ZDHHC14: variants seen among roughly 807,000 people sequenced by gnomAD.
ZDHHC14 encodes palmitoyltransferase ZDHHC14.
ZDHHC14 carries 16 observed loss-of-function variants against 47.7 expected under a neutral mutation model. The observed-to-expected ratio is 0.34, with a 90% CI of 0.23 to 0.51. ZDHHC14 has a LOEUF of 0.51. Among genes scored for constraint, ZDHHC14 ranks in the 20% least tolerant of loss-of-function variants. The pLI, the probability that ZDHHC14 is intolerant of heterozygous loss-of-function variation, is 0.97. For synonymous variants in ZDHHC14, 293 were observed against 278.9 expected (o/e 1.05, Z -0.50); for missense variants, 515 against 662.5 (o/e 0.78, Z 2.44).
chr6:157,606,493 G>A (rs1398206627), intron 3 of ZDHHC14, among the ~76,000 whole-genome samples: 2 of 152,170 alleles, frequency 1.3e-5, no homozygotes, highest in Non-Finnish European at 2.9e-5. Context: ...AAAAATCTGA[G>A]GAGAGAGTTT....
chr6:157,442,906 A>G lies in ZDHHC14; in HGVS notation c.245+60640A>G, dbSNP rs566282859. On this transcript the variant is annotated intron_variant, in intron 1 of 8. Transcript: ENST00000359775. ...TTTCCAGAGCTTGATCTGGAACATC[A>G]CTGGGCAGACTGAGGTAGTCATTTC... Among the ~76,000 whole-genome samples, 50 of 152,274 alleles carry G rather than the reference A, an allele frequency of 3.3e-4. 1 individual carries two copies. In the South Asian group the frequency reaches 0.01, roughly 32 times the overall value.
At chr6:157,399,643 A>C (rs143152216) in intron 1 of ZDHHC14, among the ~76,000 whole-genome samples, 15 of 152,234 alleles carry the variant, frequency 9.9e-5, no homozygotes, top group African/African-American at 3.6e-4. Flanking sequence ...ACTTCCCACC[A>C]CTGGAGCGGC....
chr6:157,492,904 C>T (rs921964625), intron 1 of ZDHHC14, among the ~76,000 whole-genome samples: 2 of 151,854 alleles, frequency 1.3e-5, no homozygotes, highest in African/African-American at 4.8e-5. Context: ...GTTCTTGGAA[C>T]AGCAAGAAAG....
At chr6:157,639,261 T>C (rs1478834318) in intron 5 of ZDHHC14, among the ~76,000 whole-genome samples, 2 of 152,180 alleles carry the variant, frequency 1.3e-5, no homozygotes, top group Non-Finnish European at 2.9e-5. Flanking sequence ...GTAAATGACA[T>C]CATCAGTGCT....
intron 1 of ZDHHC14, among the ~76,000 whole-genome samples, chr6:157,539,369 ACTCCAGCC>A (rs1781662648): frequency 6.6e-6 from 1 of 151,974 alleles, no homozygotes; most frequent in African/African-American, 2.4e-5. Context: ...ATACCACTGC[ACTCCAGCC>A]TGGGCAGCAG....
chr6:157,653,769 A>C, intron 8 of ZDHHC14, 142 bp downstream of exon 8: 1 of 711,754 alleles, frequency 1.4e-6, no homozygotes, highest in Non-Finnish European at 2.3e-6. Context: ...TACTGCGCTC[A>C]GACAGGAGGC....
At chr6:157,651,067 T>A (rs899289574) in intron 7 of ZDHHC14, among the ~76,000 whole-genome samples, 1 of 152,228 alleles carries the variant, frequency 6.6e-6, no homozygotes, top group Non-Finnish European at 1.5e-5. Context: ...GGGCTCCCTC[T>A]GCGGCTCTCT....
At chr6:157,528,787 T>TG (rs1781259431) in intron 1 of ZDHHC14, among the ~76,000 whole-genome samples, 1 of 142,412 alleles carries the variant, frequency 7.0e-6, no homozygotes, top group Non-Finnish European at 1.5e-5. Context: ...AGATGAAGAC[T>TG]GGGGGTGAGA....
At chr6:157,560,050 C>T (rs764126187) in intron 2 of ZDHHC14, among the ~76,000 whole-genome samples, 15 of 152,166 alleles carry the variant, frequency 9.9e-5, no homozygotes, top group East Asian at 1.9e-4. Flanking sequence ...TTACACTATA[C>T]GTCTATGATG....
intron 7 of ZDHHC14, among the ~76,000 whole-genome samples, chr6:157,649,784 A>G (rs952923843): frequency 2.0e-4 from 30 of 152,180 alleles, no homozygotes; most frequent in African/African-American, 7.2e-4. Context: ...CCAGGTTTGG[A>G]GGAAGGAGTC....
At chr6:157,518,929 G>A (rs1223026094) in intron 1 of ZDHHC14, among the ~76,000 whole-genome samples, 2 of 152,178 alleles carry the variant, frequency 1.3e-5, no homozygotes, top group Admixed American at 6.5e-5. Flanking sequence ...GCCATACGGC[G>A]GCCAGCCAAG....
In ZDHHC14 at chr6:157,536,819, C is replaced by CTTTTTTTTTTT. The variant is rs768063106; in HGVS notation, c.246-5759_246-5749dup. On this transcript the variant is annotated intron_variant, in intron 1 of 8. Coordinates refer to ENST00000359775, the MANE Select transcript of ZDHHC14 (RefSeq NM_024630.3). ...TCTGTCTATCTATCCCTCCATCTAT[C>CTTTTTTTTTTT]TTTTTTTTTTTTTTTTTGAGACAGA... Among the ~76,000 whole-genome samples the CTTTTTTTTTTT allele has an allele frequency of 8.4e-3, 818 of 97,916 alleles. 193 individuals are homozygous for CTTTTTTTTTTT. Among genetic ancestry groups the CTTTTTTTTTTT allele is most frequent in the African/African-American group, 0.05 (774 of 15,576 alleles). 64.2% of individuals were successfully genotyped at this position (97,916 alleles called of 152,430 possible).
chr6:157,395,948 C>T (rs999354145), intron 1 of ZDHHC14, among the ~76,000 whole-genome samples: 1 of 152,078 alleles, frequency 6.6e-6, no homozygotes, highest in African/African-American at 2.4e-5. Flanking sequence ...TTAAGAGCAA[C>T]AGATGAGAGT....
At chr6:157,574,286 G>A (rs1361895097) in intron 2 of ZDHHC14, among the ~76,000 whole-genome samples, 4 of 152,102 alleles carry the variant, frequency 2.6e-5, no homozygotes, top group Admixed American at 6.5e-5. Flanking sequence ...AGCTGAGCAT[G>A]GTGGTGAATG....
chr6:157,597,563 G>A (rs1489750421), intron 3 of ZDHHC14, among the ~76,000 whole-genome samples: 1 of 152,238 alleles, frequency 6.6e-6, no homozygotes, highest in Non-Finnish European at 1.5e-5. Context: ...TTGCAAACCG[G>A]TTATACAAGA....
intron 1 of ZDHHC14, among the ~76,000 whole-genome samples, chr6:157,513,285 C>T (rs1780561162): frequency 6.6e-6 from 1 of 152,212 alleles, no homozygotes; most frequent in South Asian, 2.1e-4. Flanking sequence ...TTCTTAAAAG[C>T]ACACTAAACT....
chr6:157,665,156 C>G (rs1778497996), intron 8 of ZDHHC14, among the ~76,000 whole-genome samples: 1 of 152,200 alleles, frequency 6.6e-6, no homozygotes, highest in Non-Finnish European at 1.5e-5. Context: ...CATTTGCCTC[C>G]TGTACTTTGG....
intron 3 of ZDHHC14, among the ~76,000 whole-genome samples, chr6:157,593,684 C>T (rs1190165278): frequency 6.6e-6 from 1 of 152,246 alleles, no homozygotes; most frequent in East Asian, 1.9e-4. Context: ...GCTAGGGAAA[C>T]AGGCAGAGGG....
rs543695186 is a variant in ZDHHC14, at chr6:157,463,822, C to T, written c.246-78763C>T. 1.2e-4 allele frequency among the ~76,000 whole-genome samples: 18 copies of T among 152,152 alleles called. No homozygotes were observed. In the South Asian group the frequency reaches 2.7e-3, roughly 23 times the overall value. On this transcript the variant is annotated intron_variant, in intron 1 of 8. Coordinates refer to ENST00000359775, the MANE Select transcript of ZDHHC14 (RefSeq NM_024630.3). This position sits in a 1 kb window ranked among gnomAD's most constrained non-coding sequence, Gnocchi z 4.4. ...GGCGGATGACCTGAGGTCAGGAGTTCGAGACCAGCCTGGCCAATGTGGTGA... is the reference window on the plus strand; with the variant it reads ...GGCGGATGACCTGAGGTCAGGAGTTTGAGACCAGCCTGGCCAATGTGGTGA...
Sources: gnomAD v4.1 joint callset for allele counts (sites outside exome capture counted in the v4.1 genomes callset) on GRCh38, gnomAD v4.1.1 for gene constraint, Gnocchi (gnomAD v3.1) non-coding constraint, MANE v1.5 for transcripts, NCBI Gene and HGNC (gene_info 2026-07-23, HGNC 2026-07-21) for gene names.